Variants in DNAJC10 observed in about 807,000 individuals in gnomAD.
The protein encoded by DNAJC10 is DnaJ heat shock protein family (Hsp40) member C10.
DNAJC10 carries 101 observed loss-of-function variants against 115.0 expected under a neutral mutation model. That is an observed-to-expected ratio of 0.88 (90% CI 0.75 to 1.04). The LOEUF (loss-of-function observed/expected upper bound fraction) is 1.04, where lower values mean the gene tolerates loss of function less well. Among genes scored for constraint, DNAJC10 ranks in the 50% least tolerant of loss-of-function variants. The pLI, the probability that DNAJC10 is intolerant of heterozygous loss-of-function variation, is 0.00. For missense variants in DNAJC10, 981 were observed against 928.8 expected, an observed-to-expected ratio of 1.06 and a Z score of -0.73; for synonymous variants, 307 against 301.5, an observed-to-expected ratio of 1.02 and a Z score of -0.19.
Position 182,716,277 on chromosome 2 carries a change from G to C in DNAJC10, c.-410G>C, listed in dbSNP as rs1011138657. ...CCCGCCCCGGCTCGCCGTGGAGACCGGCGCGTGAGGAACCTACCGGTACCG... is the reference window on the plus strand; with the variant it reads ...CCCGCCCCGGCTCGCCGTGGAGACCCGCGCGTGAGGAACCTACCGGTACCG... On this transcript the variant is annotated 5_prime_UTR_variant, in exon 1 of 24. Coordinates refer to ENST00000264065, the MANE Select transcript of DNAJC10 (RefSeq NM_018981.4). The C allele has an allele frequency of 6.6e-6, 1 of 152,404 alleles. No individual in the cohort carries two copies. The highest frequency in any genetic ancestry group is 2.4e-5 in the African/African-American group (1 of 41,470). 9.4% of individuals were successfully genotyped at this position (152,404 alleles called of 1,614,324 possible).
intron 14 of DNAJC10, among the ~76,000 whole-genome samples, chr2:182,747,005 T>C (rs1200111904): frequency 6.6e-6 from 1 of 152,122 alleles, no homozygotes; most frequent in African/African-American, 2.4e-5. Context: ...CCCCATTGCT[T>C]GTTTTTCTCA....
rs1371221139 is a variant in DNAJC10, at chr2:182,722,008, T to C, written c.368-17T>C. The C allele has an allele frequency of 1.5e-6, 2 of 1,373,288 alleles. No homozygotes were observed. Among genetic ancestry groups the C allele is most frequent in the African/African-American group, 1.5e-5 (1 of 67,550 alleles). 85.1% of individuals were successfully genotyped at this position (1,373,288 alleles called of 1,614,324 possible). A position where few individuals can be genotyped will look rare whatever the true frequency, so the allele number is the denominator to read the frequency against. ...TGAAGTTTTGATTTTATAATTTTTA[T>C]ATACTTTTAAAATTAGGTATTTATG... On this transcript the variant is annotated splice_polypyrimidine_tract_variant and intron_variant, in intron 4 of 23. Transcript: ENST00000264065.
At chr2:182,762,330 A>G (rs1694306554) in intron 21 of DNAJC10, among the ~76,000 whole-genome samples, 1 of 152,116 alleles carries the variant, frequency 6.6e-6, no homozygotes, top group Non-Finnish European at 1.5e-5. Flanking sequence ...AAGAGTGCCC[A>G]AAGAGTCCTA....
chr2:182,735,495 A>T (rs573658915), intron 10 of DNAJC10, among the ~76,000 whole-genome samples: 6 of 152,082 alleles, frequency 3.9e-5, no homozygotes, highest in African/African-American at 1.4e-4. Context: ...TATGATATAC[A>T]TAGGTCTTGA....
chr2:182,756,313 G>A lies in DNAJC10; in HGVS notation c.1654-1G>A, dbSNP rs778015410. On this transcript the variant is annotated splice_acceptor_variant, in intron 17 of 23. Transcript: ENST00000264065. LOFTEE classifies it high-confidence loss of function. ...TATAATGGAAGCTATATTCTCTTCA[G>A]GATCTTATGAATCCTTCAGTGGTCT... 1.2e-6 allele frequency: 2 copies of A among 1,610,002 alleles called. No individual in the cohort carries two copies. Among genetic ancestry groups the A allele is most frequent in the Non-Finnish European group, 1.7e-6 (2 of 1,178,128 alleles).
At chr2:182,773,947 T>A (rs987184032) in intron 22 of DNAJC10, among the ~76,000 whole-genome samples, 10 of 150,932 alleles carry the variant, frequency 6.6e-5, no homozygotes, top group Admixed American at 2.0e-4. Flanking sequence ...TCTGCTCTGG[T>A]TTCTCCCCAT....
chr2:182,734,275 G>T (rs1693529311), intron 10 of DNAJC10, among the ~76,000 whole-genome samples: 1 of 148,986 alleles, frequency 6.7e-6, no homozygotes, highest in Non-Finnish European at 1.5e-5. Context: ...CTTCTATTTT[G>T]ATATATATAT....
intron 13 of DNAJC10, among the ~76,000 whole-genome samples, 168 bp from the exon 14 acceptor site, chr2:182,743,428 CTT>C (rs1228556946): frequency 2.6e-5 from 4 of 151,986 alleles, no homozygotes; most frequent in Admixed American, 6.6e-5. Flanking sequence ...TAAATTGAGT[CTT>C]AATATTAAAT....
At chr2:182,720,879 T>C (rs1307368881) in intron 4 of DNAJC10, among the ~76,000 whole-genome samples, 1 of 152,164 alleles carries the variant, frequency 6.6e-6, no homozygotes, top group East Asian at 1.9e-4. Flanking sequence ...AATGCCGTCC[T>C]TCTCATATGG....
At position 182,751,658 on chromosome 2, in the gene DNAJC10, G is replaced by T; in HGVS notation, c.1307G>T (p.Gly436Val). Residue 436 changes from glycine (G) to valine (V), a missense_variant and splice_region_variant, in exon 15 of 24, where the codon GGA (glycine) becomes GTA (valine). Physicochemically the swap from Gly to Val is moderately radical, Grantham distance 109. Transcript: ENST00000264065. ...GAATTTCTCTCATTCACTTTGAAAGGAAAGAAGATTCTATATGATATACTT... is the reference window on the plus strand; with the variant it reads ...GAATTTCTCTCATTCACTTTGAAAGTAAAGAAGATTCTATATGATATACTT... ...QGTKEYEIHH[G>V]KKILYDILAF... 1 of 1,611,320 alleles carries T rather than the reference G, an allele frequency of 6.2e-7. No individual in the cohort carries two copies. The highest frequency in any genetic ancestry group is 2.2e-5 in the East Asian group (1 of 44,848).
chr2:182,731,604 G>A (rs934986298), intron 9 of DNAJC10, among the ~76,000 whole-genome samples: 11 of 152,070 alleles, frequency 7.2e-5, no homozygotes, highest in Non-Finnish European at 2.9e-5. Context: ...ATAGCAAGCC[G>A]TAAACTGTAA....
At chr2:182,717,889 C>G (rs1693036127) in intron 2 of DNAJC10, 52 bp from the exon 3 acceptor site, 1 of 430,428 alleles carries the variant, frequency 2.3e-6, no homozygotes. Flanking sequence ...ATAAATTGTG[C>G]TATTATTGTT....
chr2:182,756,286 GT>G (rs1290132046), intron 17 of DNAJC10, 27 bp from the exon 18 acceptor site: 5 of 1,589,154 alleles, frequency 3.1e-6, no homozygotes, highest in Middle Eastern at 1.7e-4. Flanking sequence ...TTATATATAT[GT>G]TATAATGGAA....
At chr2:182,751,538 C>T (rs1041445814) in intron 14 of DNAJC10, 120 bp from the exon 15 acceptor site, 2 of 1,228,138 alleles carry the variant, frequency 1.6e-6, no homozygotes, top group South Asian at 3.0e-5. Context: ...TAAAACCTCA[C>T]CAAAATCAAT....
chr2:182,740,779 A>C (rs1693713175), intron 12 of DNAJC10, among the ~76,000 whole-genome samples: 1 of 152,116 alleles, frequency 6.6e-6, no homozygotes, highest in Non-Finnish European at 1.5e-5. Flanking sequence ...TGGTAGAATC[A>C]GTTTTTTTTC....
intron 16 of DNAJC10, among the ~76,000 whole-genome samples, chr2:182,753,750 C>G (rs1211973858): frequency 6.6e-6 from 1 of 151,516 alleles, no homozygotes; most frequent in Non-Finnish European, 1.5e-5. Flanking sequence ...GTCCGGCTAA[C>G]TTTTTGTATT....
Position 182,743,676 on chromosome 2 carries a change from A to G in DNAJC10, c.1270A>G (p.Lys424Glu), listed in dbSNP as rs1693793572. ...YVFQPSLAVF[K>E]GQGTKEYEIH... Reference sequence around the variant, plus strand: ...TTTTCAGCCGTCTCTAGCAGTATTTAAAGGACAAGGAACCAAAGAATATGA... The same window carrying G: ...TTTTCAGCCGTCTCTAGCAGTATTTGAAGGACAAGGAACCAAAGAATATGA... Residue 424 changes from lysine to glutamate, a missense_variant, in exon 14 of 24, where the codon AAA (lysine) becomes GAA (glutamate). Transcript: ENST00000264065. 10 of 1,612,706 alleles carry G rather than the reference A, an allele frequency of 6.2e-6. No homozygotes were observed. Among genetic ancestry groups the G allele is most frequent in the Non-Finnish European group, 8.5e-6 (10 of 1,179,042 alleles).
rs986535255 is a variant in DNAJC10 at position 182,762,785 on chromosome 2, T to C, written c.2249T>C (p.Phe750Ser). Reference sequence around the variant, plus strand: ...GCCTATCCAACTGTTAAATTTTATTTCTACGAAAGAGCAAAGGTATGTCCA... The same window carrying C: ...GCCTATCCAACTGTTAAATTTTATTCCTACGAAAGAGCAAAGGTATGTCCA... ...IRAYPTVKFY[F>S]YERAKRNFQE... The change falls in exon 22 of 24, where the codon TTC becomes TCC. Residue 750 changes from phenylalanine to serine, a missense_variant. Phe to Ser is a radical substitution (Grantham distance 155). Coordinates refer to ENST00000264065, the MANE Select transcript of DNAJC10 (RefSeq NM_018981.4). The C allele has an allele frequency of 3.1e-6, 5 of 1,612,144 alleles. No homozygotes were observed. The highest frequency in any genetic ancestry group is 2.5e-6 in the Non-Finnish European group (3 of 1,178,628).
chr2:182,788,749 C>T lies in DNAJC10; in HGVS notation c.*11617C>T, dbSNP rs184338479. ...CCAGGGAAGTTCCTACTTGGGAAAA[C>T]GGAAAGGTAGACTATTCAGAAGTTT... On this transcript the variant is annotated 3_prime_UTR_variant, in exon 24 of 24. Transcript: ENST00000264065. 120 of 442,136 alleles carry T rather than the reference C, an allele frequency of 2.7e-4. No homozygotes were observed. Among genetic ancestry groups the T allele is most frequent in the African/African-American group, 2.4e-3 (117 of 49,100 alleles). 27.4% of individuals were successfully genotyped at this position (442,136 alleles called of 1,614,324 possible). A position where few individuals can be genotyped will look rare whatever the true frequency, so the allele number is the denominator to read the frequency against.
Sources: gnomAD v4.1 joint callset for allele counts (sites outside exome capture counted in the v4.1 genomes callset) on GRCh38, gnomAD v4.1.1 for gene constraint, MANE v1.5 for transcripts, NCBI Gene and HGNC (gene_info 2026-07-23, HGNC 2026-07-21) for gene names.